SYT17: variants seen among roughly 807,000 people sequenced by gnomAD.
SYT17 encodes synaptotagmin 17.
A neutral mutation model predicts 46.7 loss-of-function variants in SYT17; 22 were observed. That is an observed-to-expected ratio of 0.47 (90% confidence interval 0.34 to 0.67). The LOEUF (loss-of-function observed/expected upper bound fraction) is 0.67, where lower values mean the gene tolerates loss of function less well. Ranked by LOEUF, SYT17 falls within the 30% of genes least tolerant of loss-of-function variation. The pLI is 0.01. For missense variants in SYT17, 519 were observed against 612.8 expected (o/e 0.85, Z 1.62); for synonymous variants, 251 against 248.4 (o/e 1.01, Z -0.10).
At chr16:19,178,804 G>A (rs978176423) in intron 3 of SYT17, among the ~76,000 whole-genome samples, 7 of 152,072 alleles carry the variant, frequency 4.6e-5, no homozygotes, top group Admixed American at 1.3e-4. Flanking sequence ...TCAAAACGAC[G>A]TCACCAGCTG....
chr16:19,176,360 C>T (rs1429325955), intron 3 of SYT17, among the ~76,000 whole-genome samples: 1 of 152,184 alleles, frequency 6.6e-6, no homozygotes, highest in Non-Finnish European at 1.5e-5. Flanking sequence ...CAGTTACCTG[C>T]CCACCCAGGA....
intron 7 of SYT17, among the ~76,000 whole-genome samples, chr16:19,259,281 A>T (rs1200678835): frequency 1.3e-5 from 2 of 152,178 alleles, no homozygotes; most frequent in African/African-American, 4.8e-5. Flanking sequence ...CCACTTACTG[A>T]TCCCTTTCCC....
chr16:19,216,388 T>C (rs1966096044), intron 5 of SYT17, among the ~76,000 whole-genome samples: 1 of 152,062 alleles, frequency 6.6e-6, no homozygotes, highest in South Asian at 2.1e-4. Context: ...TTCTTTTTTT[T>C]TTTTTTTATT....
intron 7 of SYT17, among the ~76,000 whole-genome samples, chr16:19,261,924 C>G (rs1323668882): frequency 6.6e-6 from 1 of 152,096 alleles, no homozygotes; most frequent in Non-Finnish European, 1.5e-5. Context: ...CAAAGACAAA[C>G]TTAGTGACAT....
intron 7 of SYT17, among the ~76,000 whole-genome samples, chr16:19,231,413 A>T (rs1966677537): frequency 6.6e-6 from 1 of 151,472 alleles, no homozygotes; most frequent in South Asian, 2.1e-4. Context: ...TCTACTAAAA[A>T]TACAAAAATT....
At chr16:19,177,200 G>A (rs892136738) in intron 3 of SYT17, among the ~76,000 whole-genome samples, 1 of 152,162 alleles carries the variant, frequency 6.6e-6, no homozygotes, top group African/African-American at 2.4e-5. Flanking sequence ...TTTGCCACTA[G>A]TAGAGAAGTG....
intron 5 of SYT17, among the ~76,000 whole-genome samples, chr16:19,184,905 C>G (rs1177744790): frequency 6.6e-6 from 1 of 152,176 alleles, no homozygotes; most frequent in Non-Finnish European, 1.5e-5. Context: ...TTCCTTCCCC[C>G]TGTCCAGCCC....
At chr16:19,235,033 C>T (rs1346491250) in intron 7 of SYT17, among the ~76,000 whole-genome samples, 1 of 152,056 alleles carries the variant, frequency 6.6e-6, no homozygotes, top group Non-Finnish European at 1.5e-5. Context: ...TTGGGATTGG[C>T]AGTATGGGGA....
chr16:19,168,473 G>T lies in SYT17; in HGVS notation c.-174G>T, dbSNP rs990558164. ...CGGAACGCAGGGAAAGGCAAGGACG[G>T]GGCGGCCGGCGGAGGGGCGGGCGCC... On this transcript the variant is annotated 5_prime_UTR_variant, in exon 1 of 8. Transcript: ENST00000355377. The surrounding 1 kb of genome is among the most constrained non-coding windows in gnomAD (Gnocchi z 6.9). 2.4e-6 allele frequency: 2 copies of T among 842,484 alleles called. No individual in the cohort carries two copies. The highest frequency in any genetic ancestry group is 3.7e-6 in the Non-Finnish European group (2 of 544,100). 52.2% of individuals were successfully genotyped at this position (842,484 alleles called of 1,614,324 possible). A position where few individuals can be genotyped will look rare whatever the true frequency, so the allele number is the denominator to read the frequency against.
At chr16:19,174,165 T>C (rs1964219778) in intron 3 of SYT17, among the ~76,000 whole-genome samples, 1 of 152,230 alleles carries the variant, frequency 6.6e-6, no homozygotes, top group Non-Finnish European at 1.5e-5. Flanking sequence ...ATGTTCTCTC[T>C]GGCATCTTTC....
At chr16:19,172,315 G>C in intron 1 of SYT17, 8 of 1,317,662 alleles carry the variant, frequency 6.1e-6, no homozygotes, top group South Asian at 2.3e-5. Flanking sequence ...CCGGGAGGGC[G>C]GGGGAGCCAA....
At chr16:19,254,747 T>G (rs1047077531) in intron 7 of SYT17, among the ~76,000 whole-genome samples, 3 of 152,198 alleles carry the variant, frequency 2.0e-5, no homozygotes, top group African/African-American at 7.2e-5. Context: ...CTCAGTCAGA[T>G]GTATACATTT....
intron 3 of SYT17, among the ~76,000 whole-genome samples, chr16:19,175,603 A>C (rs1250880427): frequency 1.4e-5 from 2 of 147,970 alleles, no homozygotes; most frequent in Non-Finnish European, 3.0e-5. Context: ...GTGAGCTATA[A>C]TCACGCCACT....
chr16:19,251,280 G>C (rs1221560471), intron 7 of SYT17, among the ~76,000 whole-genome samples: 2 of 152,202 alleles, frequency 1.3e-5, no homozygotes, highest in Non-Finnish European at 2.9e-5. Context: ...CACAGGCTGG[G>C]TCCCAGGTGG....
At position 19,168,619 on chromosome 16, in the gene SYT17, G is replaced by C. The variant is rs947817631; in HGVS notation, c.-28G>C. 26 of 1,540,920 alleles carry C rather than the reference G, an allele frequency of 1.7e-5. No individual in the cohort carries two copies. The African/African-American group carries it at 2.9e-4, about 17-fold the overall frequency. Reference sequence around the variant, plus strand: ...AAGTGGCCGTGGCGGCGCCATGCCCGGGCCGGAGTGAGTGCGCGCGGGCGA... The same window carrying C: ...AAGTGGCCGTGGCGGCGCCATGCCCCGGCCGGAGTGAGTGCGCGCGGGCGA... On this transcript the variant is annotated 5_prime_UTR_variant, in exon 1 of 8. Coordinates refer to ENST00000355377, the MANE Select transcript of SYT17 (RefSeq NM_016524.4). The surrounding 1 kb of genome is among the most constrained non-coding windows in gnomAD (Gnocchi z 6.9).
chr16:19,258,734 T>C (rs59361246), intron 7 of SYT17, among the ~76,000 whole-genome samples: 3,056 of 152,298 alleles, frequency 0.02, 85 homozygotes, highest in African/African-American at 0.07. Context: ...CCAAGCATTT[T>C]AGAGTGCCTA....
chr16:19,193,100 C>T (rs905805300), intron 5 of SYT17, among the ~76,000 whole-genome samples: 2 of 152,216 alleles, frequency 1.3e-5, no homozygotes, highest in Non-Finnish European at 2.9e-5. Flanking sequence ...TAAAACTTGG[C>T]TCTGCCACTT....
rs1250842173 is a variant in SYT17, at chr16:19,241,016, C to T, written c.1228+16178C>T. Among the ~76,000 whole-genome samples the T allele has an allele frequency of 1.3e-3, 178 of 142,024 alleles. 1 individual carries two copies. Among genetic ancestry groups the T allele is most frequent in the African/African-American group, 4.4e-3 (167 of 37,942 alleles). The allele number at this position is 142,024 out of a possible 152,430, so 93.2% of individuals were successfully genotyped here. A position where few individuals can be genotyped will look rare whatever the true frequency, so the allele number is the denominator to read the frequency against. On this transcript the variant is annotated intron_variant, in intron 7 of 7. Coordinates refer to ENST00000355377, the MANE Select transcript of SYT17 (RefSeq NM_016524.4). Reference sequence around the variant, plus strand: ...AGGCTGGAGTGCAGTGGCGGGATCTCGGCTCACTGCAAGCTCCGCCTCCCG... The same window carrying T: ...AGGCTGGAGTGCAGTGGCGGGATCTTGGCTCACTGCAAGCTCCGCCTCCCG...
At chr16:19,211,415 G>A (rs747422789) in intron 5 of SYT17, 228 of 703,710 alleles carry the variant, frequency 3.2e-4, no homozygotes, top group Non-Finnish European at 5.7e-5. Flanking sequence ...TATAGTAGTG[G>A]ACACATGGGC....
Sources: gnomAD v4.1 joint callset for allele counts (sites outside exome capture counted in the v4.1 genomes callset) on GRCh38, gnomAD v4.1.1 for gene constraint, Gnocchi (gnomAD v3.1) non-coding constraint, MANE v1.5 for transcripts, NCBI Gene and HGNC (gene_info 2026-07-23, HGNC 2026-07-21) for gene names.